Variants in DPM1 observed in about 807,000 individuals in gnomAD.
DPM1 encodes the protein dolichol-phosphate mannosyltransferase subunit 1.
DPM1 carries 27 observed loss-of-function variants against 39.0 expected under a neutral mutation model. The ratio of observed to expected loss-of-function variants is 0.69; its 90% CI spans 0.51 to 0.95. DPM1 has a LOEUF of 0.95. Among genes scored for constraint, DPM1 ranks in the 40% least tolerant of loss-of-function variants. DPM1 has a pLI of 0.00. For synonymous variants in DPM1, 124 were observed against 109.0 expected (o/e 1.14, Z -0.86); for missense variants, 307 against 315.6 (o/e 0.97, Z 0.21).
intron 1 of DPM1, among the ~76,000 whole-genome samples, chr20:50,956,988 T>C (rs1206385573): frequency 6.6e-6 from 1 of 151,028 alleles, no homozygotes; most frequent in African/African-American, 2.4e-5. Flanking sequence ...AAAGGAAACA[T>C]AAATTGTACT....
chr20:50,958,255 T>C, intron 1 of DPM1, 108 bp downstream of exon 1: 1 of 1,450,464 alleles, frequency 6.9e-7, no homozygotes. Flanking sequence ...CCTTCCTGTG[T>C]GAGGCAAAGA....
At chr20:50,941,502 A>T (rs1355956845) in intron 6 of DPM1, among the ~76,000 whole-genome samples, 1 of 150,436 alleles carries the variant, frequency 6.6e-6, no homozygotes, top group Non-Finnish European at 1.5e-5. Context: ...ACCTGAGCTC[A>T]GGAGTTCGAG....
At chr20:50,936,619 C>G (rs1985180499) in intron 7 of DPM1, among the ~76,000 whole-genome samples, 1 of 152,104 alleles carries the variant, frequency 6.6e-6, no homozygotes, top group Admixed American at 6.5e-5. Flanking sequence ...AGAAACTGTT[C>G]CAAATATTGA....
chr20:50,940,548 T>A (rs564673233), intron 7 of DPM1, among the ~76,000 whole-genome samples: 1 of 152,226 alleles, frequency 6.6e-6, no homozygotes, highest in South Asian at 2.1e-4. Flanking sequence ...GGTATTCATA[T>A]GAAATGCAGA....
rs1986251321 is a variant in DPM1, at chr20:50,945,835, C to T, written c.372+12G>A. On this transcript the variant is annotated intron_variant, in intron 4 of 8. Coordinates refer to ENST00000371588, the MANE Select transcript of DPM1 (RefSeq NM_003859.3). ...CTACCATAAATAGCTAATAAAGAAACATACCACTTACATGGTGTGAGAGAT... is the reference window on the plus strand; with the variant it reads ...CTACCATAAATAGCTAATAAAGAAATATACCACTTACATGGTGTGAGAGAT... The T allele has an allele frequency of 4.3e-6, 7 of 1,612,874 alleles. No individual in the cohort carries two copies. The highest frequency in any genetic ancestry group is 1.3e-5 in the African/African-American group (1 of 74,872).
At position 50,936,217 on chromosome 20, in the gene DPM1, A is replaced by G. The variant is rs1334987251; in HGVS notation, c.609T>C (p.Val203=). Reference sequence around the variant, plus strand: ...CCATCTGGAAGACGTAGCCTTTAGAAACACATTTTTCTATTAATTTCTCTA... The same window carrying G: ...CCATCTGGAAGACGTAGCCTTTAGAGACACATTTTTCTATTAATTTCTCTA... The part of the protein sequence containing the change: ...EVLEKLIEKC[V]SKGYVFQMEM... The change falls in exon 8 of 9, where the codon GTT becomes GTC. Residue 203 remains valine, a synonymous_variant. Coordinates refer to ENST00000371588, the MANE Select transcript of DPM1 (RefSeq NM_003859.3). 6.2e-7 allele frequency: 1 copy of G among 1,613,556 alleles called. No individual in the cohort carries two copies. Among genetic ancestry groups the G allele is most frequent in the South Asian group, 1.1e-5 (1 of 91,054 alleles).
chr20:50,941,851 A>C (rs1203510650), intron 6 of DPM1, among the ~76,000 whole-genome samples, 180 bp downstream of exon 6: 1 of 152,182 alleles, frequency 6.6e-6, no homozygotes, highest in Admixed American at 6.5e-5. Flanking sequence ...ATTTTTCCTT[A>C]ATAAAAAACA....
intron 3 of DPM1, among the ~76,000 whole-genome samples, chr20:50,947,540 G>C (rs912603831): frequency 1.3e-5 from 2 of 152,322 alleles, no homozygotes; most frequent in African/African-American, 2.4e-5. Context: ...TTCATGTTAA[G>C]TTTTAGCACA....
intron 2 of DPM1, among the ~76,000 whole-genome samples, chr20:50,953,469 A>G (rs903729622): frequency 1.3e-4 from 20 of 152,244 alleles, no homozygotes; most frequent in Non-Finnish European, 2.6e-4. Flanking sequence ...ATCTGTCACT[A>G]AAAGCAAGTG....
At chr20:50,939,690 T>C (rs983154161) in intron 7 of DPM1, among the ~76,000 whole-genome samples, 4 of 152,126 alleles carry the variant, frequency 2.6e-5, no homozygotes, top group African/African-American at 9.7e-5. Context: ...CTCGGCTCAC[T>C]GCAACCTCTG....
chr20:50,945,895 A>G lies in DPM1; in HGVS notation c.324T>C (p.His108=). 6.2e-7 allele frequency: 1 copy of G among 1,613,694 alleles called. No individual in the cohort carries two copies. Among genetic ancestry groups the G allele is most frequent in the Non-Finnish European group, 8.5e-7 (1 of 1,179,804 alleles). The change falls in exon 4 of 9, where the codon CAT becomes CAC. Residue 108 remains histidine (H), a synonymous_variant. Coordinates refer to ENST00000371588, the MANE Select transcript of DPM1 (RefSeq NM_003859.3). ...LGTAYIHGMK[H]ATGNYIIIMD... is the part of the protein sequence containing the mutation. ...TAATAATGATGTAGTTTCCTGTGGC[A>G]TGTTTCATTCCATGAATATATGCAG...
chr20:50,949,612 C>T (rs1288183624), intron 2 of DPM1, among the ~76,000 whole-genome samples: 1 of 152,214 alleles, frequency 6.6e-6, no homozygotes, highest in Admixed American at 6.5e-5. Context: ...AAAGTTCTCA[C>T]TGTGCCCTAC....
chr20:50,949,473 A>G (rs1023186339), intron 2 of DPM1, among the ~76,000 whole-genome samples: 1 of 152,150 alleles, frequency 6.6e-6, no homozygotes, highest in Non-Finnish European at 1.5e-5. Flanking sequence ...ATTCCTAATT[A>G]AATTCTTTCT....
intron 5 of DPM1, chr20:50,944,962 A>G (rs1277550792): frequency 6.6e-6 from 1 of 152,226 alleles, no homozygotes; most frequent in Non-Finnish European, 1.5e-5. Flanking sequence ...ATTATGCTTA[A>G]GAGGTTTCCT....
chr20:50,950,915 T>C (rs905537485), intron 2 of DPM1, among the ~76,000 whole-genome samples: 6 of 152,128 alleles, frequency 3.9e-5, no homozygotes, highest in African/African-American at 9.7e-5. Flanking sequence ...TTTGTTACAG[T>C]TGCACACCCC....
intron 1 of DPM1, among the ~76,000 whole-genome samples, chr20:50,956,974 A>G (rs1293867372): frequency 1.3e-5 from 2 of 152,200 alleles, no homozygotes; most frequent in Non-Finnish European, 2.9e-5. Context: ...TTCACAAACC[A>G]TTAAAAGGAA....
Position 50,945,932 on chromosome 20 carries a change from G to A in DPM1, c.296-9C>T. On this transcript the variant is annotated splice_polypyrimidine_tract_variant and intron_variant, in intron 3 of 8. Coordinates refer to ENST00000371588, the MANE Select transcript of DPM1 (RefSeq NM_003859.3). ...ATGAATATATGCAGTTCCTAAAAATGAAAGTAGATCCATTCAAGAAAATCA... is the reference window on the plus strand; with the variant it reads ...ATGAATATATGCAGTTCCTAAAAATAAAAGTAGATCCATTCAAGAAAATCA... 3 of 1,609,812 alleles carry A rather than the reference G, an allele frequency of 1.9e-6. No homozygotes were observed. Among genetic ancestry groups the A allele is most frequent in the Non-Finnish European group, 2.5e-6 (3 of 1,176,672 alleles).
chr20:50,941,615 G>A (rs1430094561), intron 6 of DPM1, among the ~76,000 whole-genome samples: 1 of 151,868 alleles, frequency 6.6e-6, no homozygotes, highest in Non-Finnish European at 1.5e-5. Flanking sequence ...GGCTGAGACA[G>A]GAGAATTGCT....
intron 2 of DPM1, among the ~76,000 whole-genome samples, chr20:50,949,843 A>G (rs948580539): frequency 6.6e-6 from 1 of 151,108 alleles, no homozygotes; most frequent in Non-Finnish European, 1.5e-5. Context: ...CTTCACTTTG[A>G]GTCTATGTGT....
Sources: gnomAD v4.1 joint callset for allele counts (sites outside exome capture counted in the v4.1 genomes callset) on GRCh38, gnomAD v4.1.1 for gene constraint, MANE v1.5 for transcripts, NCBI Gene and HGNC (gene_info 2026-07-23, HGNC 2026-07-21) for gene names.